RABGAP1L: variants seen among roughly 807,000 people sequenced by gnomAD.
RABGAP1L encodes RAB GTPase activating protein 1 like, also known as rab GTPase-activating protein 1-like.
A neutral mutation model predicts 137.7 loss-of-function variants in RABGAP1L; 63 were observed. The observed-to-expected ratio is 0.46, with a 90% CI of 0.37 to 0.56. RABGAP1L has a LOEUF of 0.56. RABGAP1L is among the 20% of genes least tolerant of loss of function. The probability of loss-of-function intolerance (pLI) is 0.00; values close to 1 mark genes in which losing one functional copy is unlikely to be tolerated. For missense variants in RABGAP1L, 1,095 were observed against 1,244.0 expected, an observed-to-expected ratio of 0.88 and a Z score of 1.80; for synonymous variants, 431 against 433.7, an observed-to-expected ratio of 0.99 and a Z score of 0.08.
In RABGAP1L at chr1:174,550,991, TATATACAC is replaced by T. The variant is rs1273194948; in HGVS notation, c.1711-86378_1711-86371del. ...ATATACATGTATATATACATATATA[TATATACAC>T]ATATATATATATATATATATATACA... On this transcript the variant is annotated intron_variant, in intron 13 of 25. Coordinates refer to ENST00000681986, the MANE Select transcript of RABGAP1L (RefSeq NM_001366446.1). Among the ~76,000 whole-genome samples the T allele has an allele frequency of 4.5e-3, 422 of 93,844 alleles. 26 individuals carry two copies. The highest frequency in any genetic ancestry group is 0.031 in the African/African-American group (401 of 13,040). The allele number at this position is 93,844 out of a possible 152,430, so 61.6% of individuals were successfully genotyped here.
At chr1:174,431,365 C>A (rs777369188) in intron 13 of RABGAP1L, among the ~76,000 whole-genome samples, 2 of 152,018 alleles carry the variant, frequency 1.3e-5, no homozygotes, top group African/African-American at 4.8e-5. Flanking sequence ...AGGAAAAGAT[C>A]GTGATTAATG....
At chr1:174,327,342 A>G (rs974180975) in intron 11 of RABGAP1L, among the ~76,000 whole-genome samples, 1 of 152,076 alleles carries the variant, frequency 6.6e-6, no homozygotes, top group Non-Finnish European at 1.5e-5. Context: ...AAAAAGATGT[A>G]TATAAAAAGA....
At chr1:174,179,962 C>T (rs979045962) in intron 1 of RABGAP1L, among the ~76,000 whole-genome samples, 3 of 152,068 alleles carry the variant, frequency 2.0e-5, no homozygotes, top group Non-Finnish European at 4.4e-5. Context: ...AGAATATATT[C>T]CTTGGAGATA....
At chr1:174,875,792 A>G (rs1201211460) in intron 19 of RABGAP1L, 98 of 804,902 alleles carry the variant, frequency 1.2e-4, no homozygotes, top group Non-Finnish European at 1.4e-4. Flanking sequence ...CAGAGTCAGG[A>G]TAAATGTGCA....
intron 17 of RABGAP1L, among the ~76,000 whole-genome samples, chr1:174,744,090 T>TAAAAAAAAAAAAAAAA: frequency 2.2e-5 from 1 of 45,134 alleles, no homozygotes; most frequent in Non-Finnish European, 3.9e-5. Context: ...GTGAAATACG[T>TAAAAAAAAAAAAAAAA]AAAAAAAAAA....
intron 18 of RABGAP1L, among the ~76,000 whole-genome samples, chr1:174,773,621 A>G (rs1368511050): frequency 1.3e-5 from 2 of 152,240 alleles, no homozygotes; most frequent in Admixed American, 1.3e-4. Flanking sequence ...AAGCAGAGCC[A>G]GAGCAACCAA....
intron 13 of RABGAP1L, among the ~76,000 whole-genome samples, chr1:174,490,053 C>T (rs970266201): frequency 6.6e-6 from 1 of 151,950 alleles, no homozygotes; most frequent in Non-Finnish European, 1.5e-5. Context: ...CTGAAAGGTA[C>T]CATGTGTCTC....
At chr1:174,186,767 A>C (rs1666834153) in intron 1 of RABGAP1L, among the ~76,000 whole-genome samples, 1 of 152,242 alleles carries the variant, frequency 6.6e-6, no homozygotes, top group African/African-American at 2.4e-5. Flanking sequence ...AAAACATAAC[A>C]TACATACACT....
intron 3 of RABGAP1L, among the ~76,000 whole-genome samples, chr1:174,225,392 A>G (rs1180947335): frequency 6.6e-6 from 1 of 151,704 alleles, no homozygotes; most frequent in African/African-American, 2.4e-5. Flanking sequence ...ACTTGAGAAT[A>G]GATCACCCTT....
intron 18 of RABGAP1L, among the ~76,000 whole-genome samples, chr1:174,809,293 G>A (rs531727636): frequency 3.9e-5 from 6 of 152,136 alleles, no homozygotes; most frequent in Non-Finnish European, 5.9e-5. Flanking sequence ...CTGGCTTCTC[G>A]TGTCCAGAGA....
At chr1:174,799,159 G>T (rs191817907) in intron 18 of RABGAP1L, among the ~76,000 whole-genome samples, 3 of 152,242 alleles carry the variant, frequency 2.0e-5, no homozygotes, top group South Asian at 2.1e-4. Flanking sequence ...CTCTTAATAC[G>T]TGTTAGGTTT....
chr1:174,555,542 A>C (rs959664421), intron 13 of RABGAP1L, among the ~76,000 whole-genome samples: 1 of 135,842 alleles, frequency 7.4e-6, no homozygotes, highest in African/African-American at 3.8e-5. Context: ...CCCCCCCCCA[A>C]AAAAAATGTA....
Position 174,809,766 on chromosome 1 carries a change from A to G in RABGAP1L, c.2212-2066A>G, listed in dbSNP as rs1689686229. ...ATCATCAGAACTGGTATTACATGTG[A>G]AAAACGAAGCCTAGGGATGTGTGGT... On this transcript the variant is annotated intron_variant, in intron 18 of 25. Transcript: ENST00000681986. 2.0e-5 allele frequency among the ~76,000 whole-genome samples: 3 copies of G among 152,260 alleles called. No individual in the cohort carries two copies. The South Asian group carries it at 6.2e-4, about 31-fold the overall frequency.
In RABGAP1L at chr1:174,448,038, G is replaced by A; in HGVS notation, c.1710+53893G>A. The stretch of plus-strand genomic sequence containing the variant: ...AGCAGGTTCTGAAACACTCATGTGC[G>A]GTGTTTAACAGATGCTGGGCAGGGC... On this transcript the variant is annotated intron_variant, in intron 13 of 25. Transcript: ENST00000681986. This position sits in a 1 kb window ranked among gnomAD's most constrained non-coding sequence, Gnocchi z 4.2. 7 of 1,244,736 alleles carry A rather than the reference G, an allele frequency of 5.6e-6. No homozygotes were observed. Among genetic ancestry groups the A allele is most frequent in the Admixed American group, 2.0e-5 (1 of 50,104 alleles). 77.1% of individuals were successfully genotyped at this position (1,244,736 alleles called of 1,614,324 possible). A position where few individuals can be genotyped will look rare whatever the true frequency, so the allele number is the denominator to read the frequency against.
chr1:174,370,198 A>G (rs1684990339), intron 11 of RABGAP1L, among the ~76,000 whole-genome samples: 1 of 152,160 alleles, frequency 6.6e-6, no homozygotes, highest in Admixed American at 6.5e-5. Flanking sequence ...TTCCGATAGT[A>G]CTTCTCCAGC....
At chr1:174,520,932 C>T (rs949323528) in intron 13 of RABGAP1L, among the ~76,000 whole-genome samples, 1 of 152,102 alleles carries the variant, frequency 6.6e-6, no homozygotes, top group African/African-American at 2.4e-5. Context: ...ACCCAGGAGG[C>T]GCAGTTTGCC....
At chr1:174,831,219 A>G (rs1359470700) in intron 19 of RABGAP1L, among the ~76,000 whole-genome samples, 1 of 148,446 alleles carries the variant, frequency 6.7e-6, no homozygotes, top group Non-Finnish European at 1.5e-5. Flanking sequence ...TAACATGAAC[A>G]CTTTCTTAAG....
At chr1:174,497,009 C>T (rs942157182) in intron 13 of RABGAP1L, among the ~76,000 whole-genome samples, 9 of 152,176 alleles carry the variant, frequency 5.9e-5, no homozygotes, top group African/African-American at 2.2e-4. Flanking sequence ...TTTTATCACC[C>T]TTCTCCAGCA....
intron 10 of RABGAP1L, 127 bp downstream of exon 10, chr1:174,278,906 T>G (rs1271618200): frequency 2.3e-6 from 2 of 875,364 alleles, no homozygotes; most frequent in South Asian, 5.6e-5. Context: ...AAATGATATT[T>G]GAAGTCAACC....
Sources: gnomAD v4.1 joint callset for allele counts (sites outside exome capture counted in the v4.1 genomes callset) on GRCh38, gnomAD v4.1.1 for gene constraint, Gnocchi (gnomAD v3.1) non-coding constraint, MANE v1.5 for transcripts, NCBI Gene and HGNC (gene_info 2026-07-23, HGNC 2026-07-21) for gene names.